PDE8A: variants seen among roughly 807,000 people sequenced by gnomAD.
PDE8A encodes the protein high affinity cAMP-specific and IBMX-insensitive 3',5'-cyclic phosphodiesterase 8A.
Under a neutral mutation model 105.0 loss-of-function variants are expected in PDE8A, and 59 were observed. The ratio of observed to expected loss-of-function variants is 0.56; its 90% CI spans 0.46 to 0.70. PDE8A has a LOEUF of 0.70. Ranked by LOEUF, PDE8A falls within the 30% of genes least tolerant of loss-of-function variation. The probability of loss-of-function intolerance (pLI) is 0.00; values close to 1 mark genes in which losing one functional copy is unlikely to be tolerated. For synonymous variants in PDE8A, 355 were observed against 371.9 expected, an observed-to-expected ratio of 0.95 and a Z score of 0.52; for missense variants, 1,014 against 1,045.9, an observed-to-expected ratio of 0.97 and a Z score of 0.42.
At chr15:84,985,021 G>A (rs1237806738) in intron 1 of PDE8A, among the ~76,000 whole-genome samples, 2 of 152,138 alleles carry the variant, frequency 1.3e-5, no homozygotes, top group East Asian at 3.9e-4. Flanking sequence ...GTTCTTTTAT[G>A]TAGGGCTTGT....
chr15:85,034,574 G>C (rs2080672050), intron 1 of PDE8A, among the ~76,000 whole-genome samples: 1 of 152,084 alleles, frequency 6.6e-6, no homozygotes, highest in African/African-American at 2.4e-5. Context: ...AGGTTCAAAG[G>C]GTACCATGTA....
At chr15:85,036,012 A>C (rs1397024923) in intron 1 of PDE8A, among the ~76,000 whole-genome samples, 3 of 152,238 alleles carry the variant, frequency 2.0e-5, no homozygotes, top group Non-Finnish European at 2.9e-5. Context: ...GTTGAAACTG[A>C]CAACACCAAA....
chr15:85,082,202 G>A (rs377175163), intron 5 of PDE8A, among the ~76,000 whole-genome samples: 11 of 151,016 alleles, frequency 7.3e-5, no homozygotes, highest in African/African-American at 2.7e-4. Flanking sequence ...CTCAGTCGGT[G>A]GGAGCTGGCA....
At chr15:84,991,976 C>G (rs1017439233) in intron 1 of PDE8A, among the ~76,000 whole-genome samples, 5 of 152,016 alleles carry the variant, frequency 3.3e-5, no homozygotes, top group African/African-American at 4.8e-5. Context: ...AGCAAGACCC[C>G]ATCTCTAACA....
At chr15:85,016,954 T>C (rs1217589007) in intron 1 of PDE8A, among the ~76,000 whole-genome samples, 1 of 151,968 alleles carries the variant, frequency 6.6e-6, no homozygotes, top group Non-Finnish European at 1.5e-5. Context: ...ATTTCCCTTT[T>C]TTTTTTTTTT....
intron 11 of PDE8A, among the ~76,000 whole-genome samples, chr15:85,101,422 A>C (rs1453819383): frequency 6.6e-6 from 1 of 152,204 alleles, no homozygotes; most frequent in African/African-American, 2.4e-5. Context: ...ACAGGCATAG[A>C]AGGGGGAAAG....
chr15:84,988,585 C>T (rs572766984), intron 1 of PDE8A, among the ~76,000 whole-genome samples: 1 of 152,328 alleles, frequency 6.6e-6, no homozygotes, highest in South Asian at 2.1e-4. Flanking sequence ...TTTCAGGCAG[C>T]CTGCCCTACC....
At chr15:85,132,472 C>A (rs1331731233) in intron 20 of PDE8A, among the ~76,000 whole-genome samples, 1 of 151,984 alleles carries the variant, frequency 6.6e-6, no homozygotes, top group Non-Finnish European at 1.5e-5. Context: ...TATTTTTCAG[C>A]CTTCAAATTT....
intron 20 of PDE8A, among the ~76,000 whole-genome samples, chr15:85,133,303 C>T (rs1333205713): frequency 2.6e-5 from 4 of 152,124 alleles, no homozygotes; most frequent in Non-Finnish European, 4.4e-5. Context: ...TGCAGCTTTC[C>T]TGAGCAGTAG....
intron 1 of PDE8A, among the ~76,000 whole-genome samples, chr15:85,020,070 CAG>C (rs2080398983): frequency 6.8e-6 from 1 of 146,558 alleles, no homozygotes; most frequent in Non-Finnish European, 1.5e-5. Flanking sequence ...CCAGTAAAGT[CAG>C]AAATGAGTCA....
intron 3 of PDE8A, among the ~76,000 whole-genome samples, chr15:85,070,622 A>T (rs901607012): frequency 6.6e-6 from 1 of 152,136 alleles, no homozygotes; most frequent in African/African-American, 2.4e-5. Flanking sequence ...CATGTGTAGA[A>T]ACAGGCAGGA....
intron 12 of PDE8A, among the ~76,000 whole-genome samples, chr15:85,110,701 T>C (rs1388394515): frequency 6.6e-6 from 1 of 152,226 alleles, no homozygotes; most frequent in African/African-American, 2.4e-5. Context: ...CTTGTTTCCA[T>C]TTTGAGGCTG....
At chr15:85,026,647 T>C (rs1470491132) in intron 1 of PDE8A, among the ~76,000 whole-genome samples, 3 of 152,124 alleles carry the variant, frequency 2.0e-5, no homozygotes, top group Non-Finnish European at 4.4e-5. Context: ...AAAAGATTTG[T>C]GGCTGTTTTT....
intron 1 of PDE8A, among the ~76,000 whole-genome samples, chr15:85,025,434 A>G (rs1302639563): frequency 7.2e-6 from 1 of 139,332 alleles, no homozygotes; most frequent in East Asian, 2.5e-4. Flanking sequence ...GGGGGTGGGT[A>G]GGGGGTGTGG....
chr15:85,052,071 T>C (rs2141420505), intron 1 of PDE8A, among the ~76,000 whole-genome samples: 1 of 151,296 alleles, frequency 6.6e-6, no homozygotes, highest in East Asian at 1.9e-4. Context: ...GAACATGCAG[T>C]GTTTGGTTTT....
chr15:85,003,756 C>G (rs1444872349), intron 1 of PDE8A, among the ~76,000 whole-genome samples: 1 of 152,200 alleles, frequency 6.6e-6, no homozygotes, highest in Non-Finnish European at 1.5e-5. Flanking sequence ...TTCTCCCTTA[C>G]TTCGTGTAGC....
At position 85,122,846 on chromosome 15, in the gene PDE8A, C is replaced by T. The variant is rs2082202583; in HGVS notation, c.1953-215C>T. Among the ~76,000 whole-genome samples, 3 of 152,162 alleles carry T rather than the reference C, an allele frequency of 2.0e-5. No homozygotes were observed. The South Asian group carries it at 6.2e-4, about 32-fold the overall frequency. On this transcript the variant is annotated intron_variant, in intron 18 of 21. Coordinates refer to ENST00000394553, the MANE Select transcript of PDE8A (RefSeq NM_002605.3). ...CTGCAACTATAAGTTTTGCCTATAGCTTTTGGTTTTAACTTCTTTTGAGGT... is the reference window on the plus strand; with the variant it reads ...CTGCAACTATAAGTTTTGCCTATAGTTTTTGGTTTTAACTTCTTTTGAGGT...
intron 14 of PDE8A, among the ~76,000 whole-genome samples, chr15:85,114,563 G>A (rs1169739594): frequency 6.6e-6 from 1 of 152,168 alleles, no homozygotes; most frequent in Non-Finnish European, 1.5e-5. Flanking sequence ...GCCTCCTTCA[G>A]CATGTCTGGT....
chr15:85,035,010 G>C (rs1337766815), intron 1 of PDE8A, among the ~76,000 whole-genome samples: 1 of 152,058 alleles, frequency 6.6e-6, no homozygotes. Flanking sequence ...TCTACAAGGG[G>C]TAACAGAAAC....
Sources: allele counts gnomAD v4.1 joint callset (sites outside exome capture counted in the v4.1 genomes callset), GRCh38; gene constraint gnomAD v4.1.1; transcripts MANE v1.5; gene names NCBI Gene and HGNC (gene_info 2026-07-23, HGNC 2026-07-21).